The following WWC2 variants were observed in gnomAD, a reference collection of about 807,000 sequenced individuals.
The protein encoded by WWC2 is protein WWC2.
In WWC2, 101 loss-of-function variants were observed where a neutral mutation model predicts 138.5. The observed-to-expected ratio is 0.73, with a 90% CI of 0.62 to 0.86. WWC2 has a LOEUF of 0.86. WWC2 is among the 40% of genes least tolerant of loss of function. WWC2 has a pLI of 0.00. For missense variants in WWC2, 1,420 were observed against 1,419.4 expected (o/e 1.00, Z -0.01); for synonymous variants, 558 against 538.4 (o/e 1.04, Z -0.50).
intron 21 of WWC2, among the ~76,000 whole-genome samples, chr4:183,291,832 T>A: frequency 1.3e-5 from 2 of 150,508 alleles, no homozygotes; most frequent in African/African-American, 4.9e-5. Context: ...TTGAAAAAAA[T>A]GAAAGGAAAA....
At position 183,319,667 on chromosome 4, in the gene WWC2, G is replaced by A. The variant is rs1180272801; in HGVS notation, c.*3938G>A. On this transcript the variant is annotated 3_prime_UTR_variant, in exon 23 of 23. Transcript: ENST00000403733. ...GAGCGTGGCTGGAGCAGGCTGCACA[G>A]TGGAGCAGACACCCTCCTAGCAGAA... is the stretch of plus-strand genomic sequence containing the variant. The A allele has an allele frequency of 6.2e-7, 1 of 1,614,070 alleles. No homozygotes were observed. The highest frequency in any genetic ancestry group is 1.3e-5 in the African/African-American group (1 of 74,930).
At chr4:183,212,632 A>G (rs1735630651) in intron 4 of WWC2, among the ~76,000 whole-genome samples, 1 of 152,238 alleles carries the variant, frequency 6.6e-6, no homozygotes, top group African/African-American at 2.4e-5. Flanking sequence ...TAAATGGAAT[A>G]ACCACAATAA....
chr4:183,174,785 TCTC>T (rs1177755637), intron 1 of WWC2, among the ~76,000 whole-genome samples: 1 of 151,978 alleles, frequency 6.6e-6, no homozygotes, highest in South Asian at 2.1e-4. Flanking sequence ...CTCTCCTCCT[TCTC>T]CTTCTCCTTT....
At chr4:183,202,631 C>T (rs554237980) in intron 2 of WWC2, among the ~76,000 whole-genome samples, 1 of 152,182 alleles carries the variant, frequency 6.6e-6, no homozygotes, top group South Asian at 2.1e-4. Context: ...TATTAAGTTA[C>T]AAGTCTCTTT....
rs1424038660 is a variant in WWC2 at position 183,282,726 on chromosome 4, G to C, written c.2703G>C (p.Glu901Asp). 1.9e-6 allele frequency: 3 copies of C among 1,572,154 alleles called. No homozygotes were observed. In the Admixed American group the frequency reaches 5.6e-5, roughly 29 times the overall value. The change falls in exon 18 of 23, where the codon GAG becomes GAC. Residue 901 changes from glutamate to aspartate, a missense_variant. By Grantham distance (45) the Glu-to-Asp change is conservative. Coordinates refer to ENST00000403733, the MANE Select transcript of WWC2 (RefSeq NM_024949.6). ...PDGDWLTMLREASDEIVAEKE... is the reference protein window; with the variant it reads ...PDGDWLTMLRDASDEIVAEKE... ...ACCATAGGCTAACAATGCTAAGAGA[G>C]GCCTCTGATGAAATTGTGGCTGAAA...
Position 183,261,440 on chromosome 4 carries a change from T to G in WWC2, c.1817T>G (p.Leu606Arg). ...DISLIENQIL[L>R]DSDSGGASQS... The stretch of plus-strand genomic sequence containing the variant: ...AGCCTCATCGAAAATCAGATTTTGC[T>G]GGATTCTGATTCAGGAGGAGCCTCC... The change falls in exon 11 of 23, where the codon CTG becomes CGG. Residue 606 changes from leucine to arginine, a missense_variant. Transcript: ENST00000403733. The G allele has an allele frequency of 6.2e-7, 1 of 1,612,462 alleles. No individual in the cohort carries two copies. The highest frequency in any genetic ancestry group is 8.5e-7 in the Non-Finnish European group (1 of 1,179,166).
chr4:183,306,881 C>CAATAAAAAAAA (rs1739038775), intron 21 of WWC2, among the ~76,000 whole-genome samples: 1 of 85,114 alleles, frequency 1.2e-5, no homozygotes, highest in Non-Finnish European at 2.3e-5. Flanking sequence ...ATATATGAGG[C>CAATAAAAAAAA]AAAAAAAAAA....
chr4:183,256,834 T>C (rs1737158102), intron 9 of WWC2, among the ~76,000 whole-genome samples: 1 of 149,708 alleles, frequency 6.7e-6, no homozygotes, highest in Non-Finnish European at 1.5e-5. Context: ...CGTTGGTGTC[T>C]GAAGGAGCTA....
chr4:183,252,992 AAGGAGC>A (rs1737024376), intron 8 of WWC2, among the ~76,000 whole-genome samples: 1 of 152,192 alleles, frequency 6.6e-6, no homozygotes, highest in Non-Finnish European at 1.5e-5. Context: ...TTAGCCTCCC[AAGGAGC>A]AGGGACCACA....
chr4:183,307,993 G>A (rs933269614), intron 21 of WWC2, among the ~76,000 whole-genome samples: 1 of 151,810 alleles, frequency 6.6e-6, no homozygotes, highest in Non-Finnish European at 1.5e-5. Flanking sequence ...CTAACAAACA[G>A]AAACAACTCT....
chr4:183,153,296 A>G (rs565880875), intron 1 of WWC2, among the ~76,000 whole-genome samples: 1 of 152,302 alleles, frequency 6.6e-6, no homozygotes, highest in South Asian at 2.1e-4. Context: ...GAGATTAAAT[A>G]CCTTATCTGA....
chr4:183,205,121 T>A (rs2111233909), intron 2 of WWC2, among the ~76,000 whole-genome samples: 1 of 152,332 alleles, frequency 6.6e-6, no homozygotes. Context: ...GATTGCTAGG[T>A]TGTATGGTAA....
intron 1 of WWC2, among the ~76,000 whole-genome samples, chr4:183,137,093 C>T (rs1733141428): frequency 6.6e-6 from 1 of 152,184 alleles, no homozygotes; most frequent in East Asian, 1.9e-4. Context: ...TTGCACTGAG[C>T]GAGTCAGTGG....
At chr4:183,173,635 A>T (rs1560825473) in intron 1 of WWC2, among the ~76,000 whole-genome samples, 1 of 151,690 alleles carries the variant, frequency 6.6e-6, no homozygotes. Flanking sequence ...AGTGATGTGC[A>T]CGTCTCCCCT....
chr4:183,215,579 A>G (rs1051569601), intron 4 of WWC2, among the ~76,000 whole-genome samples: 3 of 152,230 alleles, frequency 2.0e-5, no homozygotes, highest in Non-Finnish European at 4.4e-5. Context: ...TTTCAAAAGC[A>G]TACCAGAATT....
rs1408116383 is a variant in WWC2 at position 183,099,610 on chromosome 4, AC to A, written c.124del (p.Arg42GlyfsTer4). ...DHNTRRTSWI[D>X]PRDRLTKPLS... Reference sequence around the variant, plus strand: ...AACACCAGGAGGACCAGCTGGATCGACCCCCGGGACAGGTGGGCGCCGGCCG... The same window carrying A: ...AACACCAGGAGGACCAGCTGGATCGACCCCGGGACAGGTGGGCGCCGGCCG... On this transcript the variant is annotated frameshift_variant, in exon 1 of 23. Coordinates refer to ENST00000403733, the MANE Select transcript of WWC2 (RefSeq NM_024949.6). LOFTEE classifies it high-confidence loss of function. 9.6e-6 allele frequency: 13 copies of A among 1,358,952 alleles called. No homozygotes were observed. Among genetic ancestry groups the A allele is most frequent in the South Asian group, 8.6e-5 (5 of 58,330 alleles). The allele number at this position is 1,358,952 out of a possible 1,614,324, so 84.2% of individuals were successfully genotyped here.
At chr4:183,257,163 T>C (rs561928242) in intron 9 of WWC2, among the ~76,000 whole-genome samples, 1 of 152,336 alleles carries the variant, frequency 6.6e-6, no homozygotes, top group East Asian at 1.9e-4. Flanking sequence ...GCTCCTTGTT[T>C]TATCACAAGT....
chr4:183,122,876 C>T (rs145553051), intron 1 of WWC2, among the ~76,000 whole-genome samples: 7 of 152,232 alleles, frequency 4.6e-5, no homozygotes, highest in Admixed American at 1.3e-4. Flanking sequence ...AAGTAACAGC[C>T]AGTTCTCAGA....
chr4:183,298,404 A>G (rs1316363685), intron 21 of WWC2, among the ~76,000 whole-genome samples: 1 of 152,188 alleles, frequency 6.6e-6, no homozygotes, highest in African/African-American at 2.4e-5. Flanking sequence ...ACCCAGGGAA[A>G]GAGCCATTGG....
Sources: allele counts gnomAD v4.1 joint callset (sites outside exome capture counted in the v4.1 genomes callset), GRCh38; gene constraint gnomAD v4.1.1; transcripts MANE v1.5; gene names NCBI Gene and HGNC (gene_info 2026-07-23, HGNC 2026-07-21).